BBX: variants seen among roughly 807,000 people sequenced by gnomAD.
The protein encoded by BBX is BBX high mobility group box domain containing.
BBX carries 30 observed loss-of-function variants against 100.2 expected under a neutral mutation model. That is an observed-to-expected ratio of 0.30 (90% CI 0.22 to 0.41). The LOEUF (loss-of-function observed/expected upper bound fraction) is 0.41, where lower values mean the gene tolerates loss of function less well. BBX is among the 10% of genes least tolerant of loss of function. The pLI, the probability that BBX is intolerant of heterozygous loss-of-function variation, is 1.00. For synonymous variants in BBX, 376 were observed against 388.1 expected (o/e 0.97, Z 0.37); for missense variants, 1,023 against 1,129.8 (o/e 0.91, Z 1.35).
rs752290930 is a variant in BBX at position 107,773,431 on chromosome 3, G to T, written c.1710G>T (p.Glu570Asp). The change falls in exon 11 of 18, where the codon GAG (glutamate) becomes GAT (aspartate). Residue 570 changes from glutamate (E) to aspartate (D), a missense_variant. This residue lies in a region of BBX where 348 missense variants were observed against 353.2 expected (regional missense o/e 0.99). Coordinates refer to ENST00000325805, the MANE Select transcript of BBX (RefSeq NM_001142568.3). This position sits in a 1 kb window ranked among gnomAD's most constrained non-coding sequence, Gnocchi z 4.1. ...AGAACATTTCTGGTGAGACACCAGA[G>T]GGTATAAAAGCAGAACCATTGACCC... ...ASKNISGETP[E>D]GIKAEPLTPM... The T allele has an allele frequency of 3.7e-6, 6 of 1,614,086 alleles. No individual in the cohort carries two copies. The South Asian group carries it at 5.5e-5, about 15-fold the overall frequency.
intron 8 of BBX, among the ~76,000 whole-genome samples, chr3:107,745,217 A>C (rs1239107692): frequency 1.3e-5 from 2 of 152,150 alleles, no homozygotes; most frequent in Non-Finnish European, 2.9e-5. Context: ...CACTGGTTCA[A>C]AGAGATGGTG....
At chr3:107,579,188 A>G (rs1175200381) in intron 2 of BBX, among the ~76,000 whole-genome samples, 2 of 152,122 alleles carry the variant, frequency 1.3e-5, no homozygotes, top group Admixed American at 6.5e-5. Flanking sequence ...GTTTTATTAT[A>G]CTGCTTATAT....
At chr3:107,645,014 G>C (rs595192) in intron 2 of BBX, among the ~76,000 whole-genome samples, 3 of 152,104 alleles carry the variant, frequency 2.0e-5, no homozygotes, top group Non-Finnish European at 4.4e-5. Flanking sequence ...GTGATATCCA[G>C]TTTCTACAGT....
intron 3 of BBX, among the ~76,000 whole-genome samples, chr3:107,681,005 G>A (rs1233757644): frequency 6.6e-6 from 1 of 152,094 alleles, no homozygotes. Flanking sequence ...AGCATAGAGG[G>A]TATAGCGATT....
At chr3:107,568,384 C>T (rs1034132472) in intron 2 of BBX, among the ~76,000 whole-genome samples, 1 of 151,934 alleles carries the variant, frequency 6.6e-6, no homozygotes, top group Non-Finnish European at 1.5e-5. Context: ...CCTGCCTCAC[C>T]CTCCTGAGTA....
chr3:107,593,814 G>A (rs961067277), intron 2 of BBX, among the ~76,000 whole-genome samples: 1 of 152,166 alleles, frequency 6.6e-6, no homozygotes, highest in African/African-American at 2.4e-5. Flanking sequence ...AACCAAACAG[G>A]CTTTAGTTTT....
At chr3:107,710,019 G>A (rs553528544) in intron 3 of BBX, among the ~76,000 whole-genome samples, 1 of 152,378 alleles carries the variant, frequency 6.6e-6, no homozygotes, top group East Asian at 1.9e-4. Flanking sequence ...ATCAGAGAAT[G>A]CCTGGGGGGC....
chr3:107,781,961 A>G (rs1187394895), intron 13 of BBX, among the ~76,000 whole-genome samples: 1 of 152,154 alleles, frequency 6.6e-6, no homozygotes, highest in Non-Finnish European at 1.5e-5. Context: ...GGCCAAGCCA[A>G]TAGTACTTTC....
At chr3:107,702,749 A>G (rs1338779517) in intron 3 of BBX, among the ~76,000 whole-genome samples, 1 of 152,232 alleles carries the variant, frequency 6.6e-6, no homozygotes, top group Non-Finnish European at 1.5e-5. Context: ...GCAGTGATCA[A>G]AAAAGGTGCT....
At chr3:107,565,620 C>T (rs2050837620) in intron 2 of BBX, among the ~76,000 whole-genome samples, 1 of 151,662 alleles carries the variant, frequency 6.6e-6, no homozygotes, top group Non-Finnish European at 1.5e-5. Flanking sequence ...CAGATGCCCA[C>T]CACCATGCCC....
intron 2 of BBX, among the ~76,000 whole-genome samples, chr3:107,617,053 C>A (rs779347840): frequency 6.6e-6 from 1 of 152,106 alleles, no homozygotes; most frequent in Non-Finnish European, 1.5e-5. Context: ...TGACCCATTT[C>A]AAGTTAATTT....
In BBX at chr3:107,805,463, C is replaced by T. The variant is rs2070997451; in HGVS notation, c.*6C>T. ...TTTCCTGCGCTGACCAGTGAAGCGC[C>T]CTTTCATTGTAAAACATTGTGCTTT... On this transcript the variant is annotated 3_prime_UTR_variant, in exon 18 of 18. Transcript: ENST00000325805. 1.2e-6 allele frequency: 2 copies of T among 1,613,994 alleles called. No individual in the cohort carries two copies. The highest frequency in any genetic ancestry group is 8.5e-7 in the Non-Finnish European group (1 of 1,179,970).
At chr3:107,718,302 A>G (rs1487312933) in intron 5 of BBX, among the ~76,000 whole-genome samples, 1 of 147,972 alleles carries the variant, frequency 6.8e-6, no homozygotes, top group Non-Finnish European at 1.5e-5. Context: ...TAGTATTAAT[A>G]TAATTATAAT....
intron 2 of BBX, among the ~76,000 whole-genome samples, chr3:107,577,951 GA>G (rs918804930): frequency 2.0e-5 from 3 of 152,048 alleles, no homozygotes; most frequent in East Asian, 1.9e-4. Flanking sequence ...GAAGTAGGGG[GA>G]AAAAAACCCT....
intron 10 of BBX, among the ~76,000 whole-genome samples, chr3:107,759,383 T>G (rs2065724366): frequency 6.6e-6 from 1 of 152,188 alleles, no homozygotes; most frequent in African/African-American, 2.4e-5. Context: ...CTGTTCAGTT[T>G]ATCATTCATT....
intron 2 of BBX, among the ~76,000 whole-genome samples, chr3:107,574,566 G>A (rs1049100521): frequency 4.6e-5 from 7 of 152,190 alleles, no homozygotes; most frequent in Admixed American, 1.3e-4. Context: ...CACTCAATTC[G>A]TTGAAATGAA....
chr3:107,794,328 A>G (rs1225946431), intron 15 of BBX, among the ~76,000 whole-genome samples: 2 of 152,226 alleles, frequency 1.3e-5, no homozygotes, highest in East Asian at 3.9e-4. Flanking sequence ...GGAAGAAACC[A>G]TATCTCCATT....
intron 13 of BBX, among the ~76,000 whole-genome samples, chr3:107,785,128 G>T (rs1286440124): frequency 6.7e-6 from 1 of 150,064 alleles, no homozygotes; most frequent in Non-Finnish European, 1.5e-5. Context: ...AATCTTGATA[G>T]ATGCATAACT....
intron 2 of BBX, among the ~76,000 whole-genome samples, chr3:107,603,786 A>G (rs1158482486): frequency 6.6e-6 from 1 of 152,226 alleles, no homozygotes; most frequent in Admixed American, 6.5e-5. Flanking sequence ...CTCAGCAGCA[A>G]AGGGTATGAC....
Sources: gnomAD v4.1 joint callset for allele counts (sites outside exome capture counted in the v4.1 genomes callset) on GRCh38, gnomAD v4.1.1 for gene constraint, gnomAD v4.1.1 regional missense constraint, Gnocchi (gnomAD v3.1) non-coding constraint, MANE v1.5 for transcripts, NCBI Gene and HGNC (gene_info 2026-07-23, HGNC 2026-07-21) for gene names.